IRGM: variants seen among roughly 807,000 people sequenced by gnomAD.
The protein encoded by IRGM is immunity-related GTPase family M protein.
For synonymous variants in IRGM, 98 were observed against 80.6 expected (o/e 1.22, Z -1.16); for missense variants, 288 against 219.9 (o/e 1.31, Z -1.96).
Position 150,848,425 on chromosome 5 carries a change from T to G in IRGM, c.302T>G (p.Leu101Arg). The G allele has an allele frequency of 6.4e-7, 1 of 1,551,874 alleles. No homozygotes were observed. Among genetic ancestry groups the G allele is most frequent in the South Asian group, 1.2e-5 (1 of 84,064 alleles). Residue 101 changes from leucine (L) to arginine (R), a missense_variant, in exon 2 of 2, where the codon CTG (leucine) becomes CGG (arginine). Coordinates refer to ENST00000522154, the MANE Select transcript of IRGM (RefSeq NM_001145805.2). ...GGCACAGGGTCTGCCACCACAACCC[T>G]GGAGAACTACCTGATGGAAATGCAG... ...LPGTGSATTTLENYLMEMQFN... is the reference protein window; with the variant it reads ...LPGTGSATTTRENYLMEMQFN...
At chr5:150,865,311 AAG>A (rs1398973485) in intron 1 of IRGM, among the ~76,000 whole-genome samples, 2 of 152,340 alleles carry the variant, frequency 1.3e-5, no homozygotes, top group East Asian at 1.9e-4. Context: ...ATATTAGAAA[AAG>A]AACTAAAACA....
chr5:150,871,989 C>A lies in IRGM; in HGVS notation c.159-5991C>A, dbSNP rs115040224. Among the ~76,000 whole-genome samples, 511 of 152,288 alleles carry A rather than the reference C, an allele frequency of 3.4e-3. 3 individuals are homozygous for A. The highest frequency in any genetic ancestry group is 0.012 in the African/African-American group (483 of 41,554). Reference sequence around the variant, plus strand: ...GTAATTTTATGTTTGATTTGACATTCATTTTTAATCTCCCTCTAGCACACC... The same window carrying A: ...GTAATTTTATGTTTGATTTGACATTAATTTTTAATCTCCCTCTAGCACACC... On this transcript the variant is annotated intron_variant and NMD_transcript_variant, in intron 1 of 3. Transcript: ENST00000520549.
chr5:150,883,203 T>C (rs1581651512), intron 3 of IRGM, among the ~76,000 whole-genome samples: 1 of 151,910 alleles, frequency 6.6e-6, no homozygotes, highest in African/African-American at 2.4e-5. Context: ...ATATAAGAAA[T>C]GCAGGAAAAG....
At chr5:150,874,362 A>G (rs1754332303) in intron 1 of IRGM, among the ~76,000 whole-genome samples, 1 of 152,208 alleles carries the variant, frequency 6.6e-6, no homozygotes, top group East Asian at 1.9e-4. Context: ...GGACATTTGT[A>G]TGCCAGAGGA....
rs1754440713 is a variant in IRGM, at chr5:150,881,228, A to C, written c.*140+1582A>C. ...AACAAGATGACACCAAGATATAATCAAACTGTCAAAAGTTAAAGAGAATTT... is the reference window on the plus strand; with the variant it reads ...AACAAGATGACACCAAGATATAATCCAACTGTCAAAAGTTAAAGAGAATTT... On this transcript the variant is annotated intron_variant and NMD_transcript_variant, in intron 3 of 3. Coordinates refer to the IRGM transcript ENST00000520549. Among the ~76,000 whole-genome samples, 3 of 152,192 alleles carry C rather than the reference A, an allele frequency of 2.0e-5. No homozygotes were observed. In the South Asian group the frequency reaches 6.2e-4, roughly 32 times the overall value.
chr5:150,890,360 G>A (rs1754590015), intron 3 of IRGM, among the ~76,000 whole-genome samples: 2 of 151,682 alleles, frequency 1.3e-5, no homozygotes, highest in Admixed American at 6.6e-5. Context: ...CTGTAGTAAT[G>A]TCACTTCTCT....
chr5:150,867,086 T>C (rs992196931), intron 1 of IRGM, among the ~76,000 whole-genome samples: 13 of 152,296 alleles, frequency 8.5e-5, no homozygotes, highest in Non-Finnish European at 1.3e-4. Context: ...AATTCCTTAG[T>C]GGTGATTTCT....
At chr5:150,900,787 A>G (rs147019228), downstream of IRGM, 38 of 151,824 alleles carry the variant, frequency 2.5e-4, no homozygotes, top group East Asian at 6.9e-3. Flanking sequence ...AAAGTAACAT[A>G]AGAAAGATAA....
intron 1 of IRGM, among the ~76,000 whole-genome samples, chr5:150,860,783 G>T (rs1302250464): frequency 6.6e-6 from 1 of 152,192 alleles, no homozygotes; most frequent in East Asian, 1.9e-4. Context: ...TAGGCTGATT[G>T]CTCGGGGTCT....
chr5:150,901,969 A>G (rs1174202262), downstream of IRGM, among the ~76,000 whole-genome samples: 1 of 152,182 alleles, frequency 6.6e-6, no homozygotes, highest in African/African-American at 2.4e-5. Flanking sequence ...AAAGCGCAAG[A>G]AAATAAGAGA....
Position 150,861,822 on chromosome 5 carries a change from G to A in IRGM, c.158+13168G>A, listed in dbSNP as rs151191274. 6.8e-3 allele frequency among the ~76,000 whole-genome samples: 1,043 copies of A among 152,292 alleles called. 12 individuals carry two copies. The highest frequency in any genetic ancestry group is 0.024 in the African/African-American group (996 of 41,572). On this transcript the variant is annotated intron_variant and NMD_transcript_variant, in intron 1 of 3. Coordinates refer to the IRGM transcript ENST00000520549. ...TGAATATTTGCAAATATCCAGAAAA[G>A]TGGACTGTGCAGATTGAATTATTTG...
intron 1 of IRGM, among the ~76,000 whole-genome samples, chr5:150,862,682 A>G (rs1754152992): frequency 6.6e-6 from 1 of 152,194 alleles, no homozygotes; most frequent in Admixed American, 6.5e-5. Context: ...GAGGTAATAA[A>G]TTAAGTCTAT....
intron 1 of IRGM, chr5:150,877,964 G>A (rs948669186): frequency 6.6e-6 from 3 of 455,586 alleles, no homozygotes; most frequent in Non-Finnish European, 1.3e-5. Flanking sequence ...TACAAAGCAA[G>A]CCTTGTTTTC....
At chr5:150,900,459 C>G (rs559080468) in intron 3 of IRGM, 1 of 152,090 alleles carries the variant, frequency 6.6e-6, no homozygotes, top group Admixed American at 6.6e-5. Flanking sequence ...TTGTTCCCCC[C>G]TCTCTGCTAT....
At chr5:150,867,317 G>A (rs1258417042) in intron 1 of IRGM, among the ~76,000 whole-genome samples, 1 of 152,094 alleles carries the variant, frequency 6.6e-6, no homozygotes, top group Non-Finnish European at 1.5e-5. Context: ...GGCAAATACT[G>A]TTATTTCATT....
At chr5:150,896,016 G>A (rs141369580) in intron 3 of IRGM, 64 of 1,613,262 alleles carry the variant, frequency 4.0e-5, no homozygotes, top group African/African-American at 1.6e-4. Flanking sequence ...ACACTCATAC[G>A]GCTTCTCTCC....
chr5:150,850,562 A>G (rs191926078), downstream of IRGM, among the ~76,000 whole-genome samples: 158 of 152,270 alleles, frequency 1.0e-3, 2 homozygotes, highest in African/African-American at 3.7e-3. Flanking sequence ...ACATATTATT[A>G]TGTACCCCCC....
Position 150,848,275 on chromosome 5 carries a change from G to A in IRGM, c.152G>A (p.Ser51Asn), listed in dbSNP as rs187395700. 4.0e-5 allele frequency: 62 copies of A among 1,551,810 alleles called. No individual in the cohort carries two copies. In the African/African-American group the frequency reaches 7.4e-4, roughly 18 times the overall value. ...DSGNGMSTFISALRNTGHEGK... is the reference protein window; with the variant it reads ...DSGNGMSTFINALRNTGHEGK... ...GGCAATGGGATGTCCACCTTCATCA[G>A]TGCCCTTCGAAACACAGGACATGAG... The change falls in exon 2 of 2, where the codon AGT becomes AAT. Residue 51 changes from serine to asparagine, a missense_variant. Ser to Asn is a conservative substitution (Grantham distance 46). Coordinates refer to ENST00000522154, the MANE Select transcript of IRGM (RefSeq NM_001145805.2).
At chr5:150,896,633 A>G (rs144270560) in intron 3 of IRGM, 275 of 1,613,344 alleles carry the variant, frequency 1.7e-4, no homozygotes, top group Non-Finnish European at 2.3e-4. Context: ...TCTTATAACA[A>G]CTCGGTAGGT....
Sources: gnomAD v4.1 joint callset for allele counts (sites outside exome capture counted in the v4.1 genomes callset) on GRCh38, gnomAD v4.1.1 for gene constraint, MANE v1.5 for transcripts, NCBI Gene and HGNC (gene_info 2026-07-23, HGNC 2026-07-21) for gene names.